The following DNASE1 variants were observed in gnomAD, a reference collection of about 807,000 sequenced individuals.
The protein encoded by DNASE1 is deoxyribonuclease-1.
DNASE1 carries 40 observed loss-of-function variants against 33.9 expected under a neutral mutation model. That is an observed-to-expected ratio of 1.18 (90% confidence interval 0.92 to 1.54). The LOEUF is 1.54. Among genes scored for constraint, DNASE1 ranks in the 40% most tolerant of loss-of-function variants. The pLI is 0.00. For missense variants in DNASE1, 518 were observed against 372.6 expected (o/e 1.39, Z -3.21); for synonymous variants, 216 against 160.0 (o/e 1.35, Z -2.64).
At chr16:3,627,701 C>A (rs1410575137) in intron 1 of DNASE1, among the ~76,000 whole-genome samples, 2 of 152,126 alleles carry the variant, frequency 1.3e-5, no homozygotes, top group Non-Finnish European at 2.9e-5. Context: ...GCATCCTTGT[C>A]AAAATCATTT....
rs1441598034 is a variant in DNASE1, at chr16:3,629,476, T to C, written c.-1358-11239T>C. Among the ~76,000 whole-genome samples the C allele has an allele frequency of 3.9e-5, 6 of 152,212 alleles. No individual in the cohort carries two copies. The East Asian group carries it at 1.2e-3, about 29-fold the overall frequency. On this transcript the variant is annotated intron_variant and NMD_transcript_variant, in intron 1 of 11. Coordinates refer to the DNASE1 transcript ENST00000570769. Reference sequence around the variant, plus strand: ...ATAATCCTTCTAAAATGCTACTGAATTCAGTTTGCTAGTATTTGTAGAGGA... The same window carrying C: ...ATAATCCTTCTAAAATGCTACTGAACTCAGTTTGCTAGTATTTGTAGAGGA...
upstream of DNASE1, among the ~76,000 whole-genome samples, chr16:3,638,875 A>C (rs1399676713): frequency 6.6e-6 from 1 of 151,882 alleles, no homozygotes; most frequent in African/African-American, 2.4e-5. Flanking sequence ...TTCAGTGTTT[A>C]TTTGGTGTTA....
chr16:3,629,836 CAG>C (rs923836564), intron 1 of DNASE1, among the ~76,000 whole-genome samples: 2 of 152,116 alleles, frequency 1.3e-5, no homozygotes, highest in African/African-American at 4.8e-5. Flanking sequence ...GTTTTTAAAA[CAG>C]AGTCTTGCTC....
chr16:3,653,167 G>A (rs2042394339), upstream of DNASE1: 1 of 152,244 alleles, frequency 6.6e-6, no homozygotes, highest in African/African-American at 2.4e-5. Flanking sequence ...AAGAGGCAGA[G>A]ACTGGGGTGA....
intron 1 of DNASE1, among the ~76,000 whole-genome samples, chr16:3,635,853 T>TC (rs908437448): frequency 1.4e-4 from 21 of 152,206 alleles, no homozygotes; most frequent in Admixed American, 6.5e-4. Context: ...CAAGATTTTC[T>TC]CTTTGTCTTT....
chr16:3,626,857 C>T (rs1031945748), intron 1 of DNASE1, among the ~76,000 whole-genome samples: 6 of 151,832 alleles, frequency 4.0e-5, no homozygotes, highest in African/African-American at 1.2e-4. Flanking sequence ...TATGTAATAG[C>T]CCTCTTTTAT....
intron 4 of DNASE1, 25 bp from the exon 5 acceptor site, chr16:3,656,613 C>T (rs755955517): frequency 6.3e-7 from 1 of 1,589,310 alleles, no homozygotes; most frequent in Non-Finnish European, 8.6e-7. Flanking sequence ...CTGGGGTCAC[C>T]TCCTCCTGCC....
upstream of DNASE1, among the ~76,000 whole-genome samples, chr16:3,640,087 C>T (rs2041989532): frequency 6.6e-6 from 1 of 152,208 alleles, no homozygotes; most frequent in African/African-American, 2.4e-5. Flanking sequence ...TGATGGCCTT[C>T]TGCGGAGTCT....
chr16:3,615,828 T>C (rs948936336), intron 1 of DNASE1, among the ~76,000 whole-genome samples: 4 of 152,256 alleles, frequency 2.6e-5, no homozygotes, highest in African/African-American at 9.6e-5. Context: ...GCTTCTGGCA[T>C]CTTCCACTGA....
intron 1 of DNASE1, among the ~76,000 whole-genome samples, chr16:3,647,761 T>C (rs1289476052): frequency 2.6e-5 from 4 of 152,168 alleles, no homozygotes; most frequent in African/African-American, 9.7e-5. Context: ...CCCAGCACTT[T>C]GGGAAGCCAA....
rs2042570752 is a variant in DNASE1, at chr16:3,655,860, CTA to C, written c.161_162del (p.Tyr54Ter). On this transcript the variant is annotated frameshift_variant, in exon 3 of 9. Coordinates refer to ENST00000246949, the MANE Select transcript of DNASE1 (RefSeq NM_005223.4). LOFTEE classifies it high-confidence loss of function. ...GGCCCTGCCCCCAGATCCTGAGCCG[CTA>C]TGACATCGCCCTGGTCCAGGAGGTC... ...VSYIVQILSR[Y>X]DIALVQEVRD... 3 of 1,613,530 alleles carry C rather than the reference CTA, an allele frequency of 1.9e-6. 1 individual carries two copies. The highest frequency in any genetic ancestry group is 2.5e-6 in the Non-Finnish European group (3 of 1,179,722).
intron 1 of DNASE1, among the ~76,000 whole-genome samples, chr16:3,619,861 T>C (rs534276126): frequency 5.3e-5 from 8 of 152,014 alleles, no homozygotes; most frequent in East Asian, 3.9e-4. Context: ...ACTAAATATT[T>C]CATCGAGTCA....
At chr16:3,640,083 C>A (rs1011075741), upstream of DNASE1, among the ~76,000 whole-genome samples, 1 of 152,180 alleles carries the variant, frequency 6.6e-6, no homozygotes, top group African/African-American at 2.4e-5. Context: ...AGGGTGATGG[C>A]CTTCTGCGGA....
At chr16:3,657,609 C>T in intron 7 of DNASE1, 111 bp from the exon 8 acceptor site, 11 of 1,471,182 alleles carry the variant, frequency 7.5e-6, no homozygotes, top group Non-Finnish European at 9.3e-6. Context: ...GTTTTGGGCA[C>T]CCACAGACCT....
At chr16:3,654,310 C>A, upstream of DNASE1, 1 of 398,542 alleles carries the variant, frequency 2.5e-6, no homozygotes. Context: ...CCTGTCCTGG[C>A]CCCACGGCGC....
chr16:3,641,761 C>A (rs2042029491), upstream of DNASE1, among the ~76,000 whole-genome samples: 1 of 152,130 alleles, frequency 6.6e-6, no homozygotes, highest in African/African-American at 2.4e-5. Flanking sequence ...CATGGCCTCC[C>A]ACACCCTGGG....
At chr16:3,658,910 C>A (rs1567216410), downstream of DNASE1, 4 of 1,590,242 alleles carry the variant, frequency 2.5e-6, no homozygotes, top group Middle Eastern at 1.7e-4. Flanking sequence ...GTACCACGTG[C>A]TGTGACCCTC....
At chr16:3,622,213 G>GAAA (rs56171298) in intron 1 of DNASE1, among the ~76,000 whole-genome samples, 4 of 68,228 alleles carry the variant, frequency 5.9e-5, no homozygotes, top group South Asian at 4.8e-4. Context: ...GAGCAAGACT[G>GAAA]AAAAAAAAAA....
At chr16:3,662,346 C>A (rs775723281), downstream of DNASE1, 465 of 637,256 alleles carry the variant, frequency 7.3e-4, no homozygotes, top group Non-Finnish European at 1.1e-3. Context: ...AGGGGCTCCA[C>A]CACCCTGGTG....
Sources: gnomAD v4.1 joint callset for allele counts (sites outside exome capture counted in the v4.1 genomes callset) on GRCh38, gnomAD v4.1.1 for gene constraint, MANE v1.5 for transcripts, NCBI Gene and HGNC (gene_info 2026-07-23, HGNC 2026-07-21) for gene names.